SPATA9: variants seen among roughly 807,000 people sequenced by gnomAD.
The protein encoded by SPATA9 is spermatogenesis-associated protein 9.
A neutral mutation model predicts 25.5 loss-of-function variants in SPATA9; 27 were observed. The observed-to-expected ratio is 1.06, with a 90% CI of 0.78 to 1.46. The LOEUF (loss-of-function observed/expected upper bound fraction) is 1.46. SPATA9 is among the 40% of genes most tolerant of loss of function. SPATA9 has a pLI of 0.00. For missense variants in SPATA9, 282 were observed against 297.5 expected (o/e 0.95, Z 0.38); for synonymous variants, 102 against 105.7 (o/e 0.97, Z 0.21).
At chr5:95,729,320 G>C in the SPATA9 span, among the ~76,000 whole-genome samples, 1 of 152,076 alleles carries the variant, frequency 6.6e-6, no homozygotes, top group Admixed American at 6.6e-5. Context: ...CAAGTCTTAT[G>C]TACCTTGGGA....
chr5:95,724,065 T>C, the SPATA9 span, among the ~76,000 whole-genome samples: 36 of 152,242 alleles, frequency 2.4e-4, no homozygotes, highest in African/African-American at 8.4e-4. Context: ...GAAATTTTCC[T>C]CTCAAAAGTT....
intron 4 of SPATA9, among the ~76,000 whole-genome samples, chr5:95,659,867 T>C (rs1338146148): frequency 6.6e-6 from 1 of 152,168 alleles, no homozygotes; most frequent in Non-Finnish European, 1.5e-5. Context: ...ATATGTCTGC[T>C]GGGATGGAAC....
chr5:95,716,753 C>T, the SPATA9 span, among the ~76,000 whole-genome samples: 6 of 152,112 alleles, frequency 3.9e-5, no homozygotes, highest in Admixed American at 6.5e-5. Flanking sequence ...AATTTCATCT[C>T]GAATTGCAGC....
chr5:95,693,336 T>C (rs1415748526), intron 1 of SPATA9, among the ~76,000 whole-genome samples: 1 of 152,198 alleles, frequency 6.6e-6, no homozygotes, highest in Non-Finnish European at 1.5e-5. Flanking sequence ...ATTCATCAAC[T>C]GTAGAATTAA....
chr5:95,697,153 C>G (rs1754043774), intron 1 of SPATA9, among the ~76,000 whole-genome samples: 1 of 152,156 alleles, frequency 6.6e-6, no homozygotes, highest in Non-Finnish European at 1.5e-5. Flanking sequence ...CTAGGTGGTT[C>G]TGGCTTGAAA....
the SPATA9 span, chr5:95,731,065 C>T: frequency 9.1e-7 from 1 of 1,095,186 alleles, no homozygotes; most frequent in Non-Finnish European, 1.1e-6. Flanking sequence ...GCGAGTTGAA[C>T]AAACTTGCTG....
At chr5:95,723,524 G>A in the SPATA9 span, among the ~76,000 whole-genome samples, 4 of 152,230 alleles carry the variant, frequency 2.6e-5, no homozygotes, top group African/African-American at 4.8e-5. Context: ...CATGAAGTAC[G>A]TGCAAACTCT....
chr5:95,671,354 G>A (rs770989537), intron 3 of SPATA9, among the ~76,000 whole-genome samples: 1 of 152,182 alleles, frequency 6.6e-6, no homozygotes, highest in Non-Finnish European at 1.5e-5. Flanking sequence ...GCAAGGGTGA[G>A]ACATCTCTGA....
intron 3 of SPATA9, among the ~76,000 whole-genome samples, chr5:95,669,515 C>T (rs1053281824): frequency 6.6e-6 from 1 of 152,132 alleles, no homozygotes; most frequent in Non-Finnish European, 1.5e-5. Context: ...GCATTGTAAA[C>T]GCTGAGGATT....
At chr5:95,653,885 G>A (rs1417889568), downstream of SPATA9, among the ~76,000 whole-genome samples, 1 of 152,168 alleles carries the variant, frequency 6.6e-6, no homozygotes, top group Non-Finnish European at 1.5e-5. Context: ...GTGACAGAGT[G>A]AGACTCTGTC....
the SPATA9 span, among the ~76,000 whole-genome samples, chr5:95,707,042 A>G: frequency 6.6e-6 from 1 of 152,208 alleles, no homozygotes; most frequent in African/African-American, 2.4e-5. Flanking sequence ...TTTGATAGAA[A>G]AGCATTTTTT....
the SPATA9 span, chr5:95,731,649 T>G: frequency 6.2e-7 from 1 of 1,612,792 alleles, no homozygotes; most frequent in Non-Finnish European, 8.5e-7. Context: ...GCTGCTTTTC[T>G]CCGAGTCGCC....
chr5:95,724,083 A>G, the SPATA9 span, among the ~76,000 whole-genome samples: 2 of 152,234 alleles, frequency 1.3e-5, no homozygotes, highest in Non-Finnish European at 2.9e-5. Flanking sequence ...GTTATTGTGA[A>G]TAAAGCTTTA....
At chr5:95,676,193 T>C (rs1219396614) in intron 2 of SPATA9, among the ~76,000 whole-genome samples, 1 of 152,184 alleles carries the variant, frequency 6.6e-6, no homozygotes, top group African/African-American at 2.4e-5. Context: ...AGCCAAAAGA[T>C]ACAAATGTTT....
the SPATA9 span, among the ~76,000 whole-genome samples, chr5:95,704,810 G>T: frequency 1.3e-5 from 2 of 152,162 alleles, no homozygotes; most frequent in Non-Finnish European, 2.9e-5. Flanking sequence ...TTCCAAGATG[G>T]TGCCTTATTG....
the SPATA9 span, chr5:95,731,214 C>A: frequency 2.0e-6 from 2 of 1,003,144 alleles, no homozygotes; most frequent in Non-Finnish European, 2.4e-6. Flanking sequence ...GGGAGCGCGT[C>A]CCCCGCATCC....
chr5:95,667,494 T>G (rs1751937235), intron 3 of SPATA9, among the ~76,000 whole-genome samples: 1 of 152,122 alleles, frequency 6.6e-6, no homozygotes, highest in African/African-American at 2.4e-5. Context: ...TTCCAGGAAA[T>G]GAAGCAGCTG....
the SPATA9 span, among the ~76,000 whole-genome samples, chr5:95,725,764 A>G: frequency 1.3e-5 from 2 of 151,188 alleles, no homozygotes; most frequent in East Asian, 1.9e-4. Flanking sequence ...CTGTGAATGA[A>G]TTTCATGTGG....
downstream of SPATA9, chr5:95,655,914 A>T: frequency 1.3e-6 from 1 of 749,092 alleles, no homozygotes; most frequent in South Asian, 1.9e-5. Flanking sequence ...TATGCTGAAT[A>T]ATTTGTACAT....
Sources: allele counts gnomAD v4.1 joint callset (sites outside exome capture counted in the v4.1 genomes callset), GRCh38; gene constraint gnomAD v4.1.1; transcripts MANE v1.5; gene names NCBI Gene and HGNC (gene_info 2026-07-23, HGNC 2026-07-21).